The following AKNA variants were observed in gnomAD, a reference collection of about 807,000 sequenced individuals.
AKNA encodes microtubule organization protein AKNA.
In AKNA, 67 loss-of-function variants were observed where a neutral mutation model predicts 138.8. That is an observed-to-expected ratio of 0.48 (90% CI 0.40 to 0.59). AKNA has a LOEUF of 0.59. Among genes scored for constraint, AKNA ranks in the 20% least tolerant of loss-of-function variants. AKNA has a pLI of 0.00. For synonymous variants in AKNA, 737 were observed against 754.4 expected (o/e 0.98, Z 0.38); for missense variants, 1,813 against 1,880.4 (o/e 0.96, Z 0.66).
At chr9:114,390,509 C>T (rs141413098), upstream of AKNA, among the ~76,000 whole-genome samples, 33 of 152,338 alleles carry the variant, frequency 2.2e-4, no homozygotes, top group East Asian at 5.8e-3. Context: ...AATCTGTCCC[C>T]GTTTCTGCAT....
At chr9:114,385,869 A>C (rs920611307) in intron 1 of AKNA, among the ~76,000 whole-genome samples, 2 of 152,216 alleles carry the variant, frequency 1.3e-5, no homozygotes, top group South Asian at 2.1e-4. Context: ...TGTGATAGAG[A>C]AGCAGGCTGG....
chr9:114,353,589 G>A (rs531385493), intron 14 of AKNA, among the ~76,000 whole-genome samples: 63 of 152,136 alleles, frequency 4.1e-4, no homozygotes, highest in Non-Finnish European at 7.6e-4. Flanking sequence ...GTATAGTCAC[G>A]CATCACTTAA....
At chr9:114,357,644 G>C (rs1182103310) in intron 12 of AKNA, among the ~76,000 whole-genome samples, 1 of 152,208 alleles carries the variant, frequency 6.6e-6, no homozygotes, top group African/African-American at 2.4e-5. Context: ...AAAGAGCATA[G>C]AACTAGTCTC....
chr9:114,384,715 G>T (rs1300883582), intron 1 of AKNA, among the ~76,000 whole-genome samples: 1 of 152,144 alleles, frequency 6.6e-6, no homozygotes, highest in African/African-American at 2.4e-5. Context: ...CAGAAAATAT[G>T]CATTAACCAA....
intron 13 of AKNA, among the ~76,000 whole-genome samples, chr9:114,356,644 G>A (rs773875621): frequency 6.6e-6 from 1 of 152,138 alleles, no homozygotes; most frequent in Non-Finnish European, 1.5e-5. Flanking sequence ...CCAGTCTGTC[G>A]CTAATTAGCT....
chr9:114,371,173 C>T (rs1379582536), intron 4 of AKNA, among the ~76,000 whole-genome samples: 2 of 152,226 alleles, frequency 1.3e-5, no homozygotes, highest in East Asian at 3.9e-4. Context: ...AACCCCAAGG[C>T]TCCAGACCCA....
chr9:114,331,137 C>CCT (rs1191874270), downstream of AKNA, among the ~76,000 whole-genome samples: 1 of 152,066 alleles, frequency 6.6e-6, no homozygotes, highest in Non-Finnish European at 1.5e-5. Flanking sequence ...TTCAGATCTG[C>CCT]CTCTCTCTCA....
intron 4 of AKNA, among the ~76,000 whole-genome samples, chr9:114,370,090 G>A (rs920409654): frequency 6.6e-6 from 1 of 152,212 alleles, no homozygotes; most frequent in African/African-American, 2.4e-5. Flanking sequence ...GGGTGGGCCT[G>A]GTGGAAGGGG....
chr9:114,354,514 C>A (rs965079699), intron 14 of AKNA, among the ~76,000 whole-genome samples: 3 of 152,012 alleles, frequency 2.0e-5, no homozygotes, highest in African/African-American at 7.2e-5. Flanking sequence ...GAGATCGAGA[C>A]CATCTTGGCT....
chr9:114,343,792 G>A lies in AKNA; in HGVS notation c.3673C>T (p.His1225Tyr). The change falls in exon 19 of 22, where the codon CAT (histidine) becomes TAT (tyrosine). Residue 1225 changes from histidine to tyrosine, a missense_variant. Physicochemically the swap from His to Tyr is moderately conservative, Grantham distance 83 (BLOSUM62 2). Coordinates refer to ENST00000374088, the MANE Select transcript of AKNA (RefSeq NM_001317950.2). ...FRGQYTGHEY[H>Y]VLSPKAVPKG... is the part of the protein sequence containing the mutation. ...GGGACCGCCTTAGGGGACAGAACAT[G>A]GTATTCGTGGCCTGGGGAAAGAAAC... is the stretch of plus-strand genomic sequence containing the variant. The A allele has an allele frequency of 6.2e-7, 1 of 1,607,540 alleles. No homozygotes were observed. The highest frequency in any genetic ancestry group is 8.5e-7 in the Non-Finnish European group (1 of 1,174,534).
intron 2 of AKNA, among the ~76,000 whole-genome samples, chr9:114,378,959 C>T (rs865805561): frequency 7.2e-5 from 11 of 152,228 alleles, no homozygotes; most frequent in African/African-American, 2.7e-4. Flanking sequence ...TGCTCTTTCC[C>T]CTACCCTTGA....
At chr9:114,348,859 T>C (rs1221149492) in intron 15 of AKNA, 1 of 456,158 alleles carries the variant, frequency 2.2e-6, no homozygotes, top group Non-Finnish European at 4.4e-6. Context: ...GCTTCTGGGG[T>C]GGGAATTCCC....
At chr9:114,392,908 C>A (rs568160888), upstream of AKNA, among the ~76,000 whole-genome samples, 12 of 152,300 alleles carry the variant, frequency 7.9e-5, no homozygotes, top group African/African-American at 1.2e-4. Flanking sequence ...CCCTTCTCAG[C>A]CAACTGAGAT....
intron 12 of AKNA, among the ~76,000 whole-genome samples, chr9:114,357,398 C>T (rs1831575299): frequency 2.6e-5 from 4 of 152,184 alleles, no homozygotes; most frequent in Admixed American, 1.3e-4. Flanking sequence ...CAGGTCCTAC[C>T]CGCTGGGTTT....
upstream of AKNA, among the ~76,000 whole-genome samples, chr9:114,395,401 G>GA (rs1834501788): frequency 6.6e-6 from 1 of 151,660 alleles, no homozygotes; most frequent in Non-Finnish European, 1.5e-5. Context: ...AAATCTTAGG[G>GA]CACCATCCTG....
At position 114,341,711 on chromosome 9, in the gene AKNA, T is replaced by C; in HGVS notation, c.3889A>G (p.Thr1297Ala). ...GSATSGAEKA[T>A]TRRKASSTPS... Reference sequence around the variant, plus strand: ...GTTGAAGATGCTTTTCTCCTCGTGGTGGCCTTCTCTGCCCCTATCAGGGAG... The same window carrying C: ...GTTGAAGATGCTTTTCTCCTCGTGGCGGCCTTCTCTGCCCCTATCAGGGAG... The change falls in exon 21 of 22, where the codon ACC (threonine) becomes GCC (alanine). Residue 1297 changes from threonine (T) to alanine (A), a missense_variant. Coordinates refer to ENST00000374088, the MANE Select transcript of AKNA (RefSeq NM_001317950.2). The C allele has an allele frequency of 6.3e-7, 1 of 1,576,370 alleles. No homozygotes were observed.
At chr9:114,373,913 G>A (rs1832980950) in intron 4 of AKNA, among the ~76,000 whole-genome samples, 180 bp downstream of exon 4, 1 of 138,972 alleles carries the variant, frequency 7.2e-6, no homozygotes, top group African/African-American at 2.7e-5. Flanking sequence ...AAAAAGCCCA[G>A]GGAAGGCAAG....
In AKNA at chr9:114,365,640, C is replaced by T. The variant is rs575881494; in HGVS notation, c.1729-1021G>A. ...ACCATCTATAATTTTCTCATAGCCA[C>T]ATTGAGAATGTAAAAAGAAACAGGT... On this transcript the variant is annotated intron_variant, in intron 6 of 21. Transcript: ENST00000374088. 3.9e-5 allele frequency among the ~76,000 whole-genome samples: 6 copies of T among 152,146 alleles called. No individual in the cohort carries two copies. In the East Asian group the frequency reaches 1.2e-3, roughly 29 times the overall value.
At chr9:114,353,751 G>A (rs1245175017) in intron 14 of AKNA, among the ~76,000 whole-genome samples, 2 of 152,172 alleles carry the variant, frequency 1.3e-5, no homozygotes, top group African/African-American at 4.8e-5. Flanking sequence ...GCTGAATACT[G>A]TAGGTATCTG....
Sources: allele counts gnomAD v4.1 joint callset (sites outside exome capture counted in the v4.1 genomes callset), GRCh38; gene constraint gnomAD v4.1.1; transcripts MANE v1.5; gene names NCBI Gene and HGNC (gene_info 2026-07-23, HGNC 2026-07-21).